The following PSD3 variants were observed in gnomAD, a reference collection of about 807,000 sequenced individuals.
The protein encoded by PSD3 is PH and SEC7 domain-containing protein 3.
Under a neutral mutation model 105.5 loss-of-function variants are expected in PSD3, and 49 were observed. The observed-to-expected ratio is 0.46, with a 90% CI of 0.37 to 0.59. The LOEUF is 0.59. Ranked by LOEUF, PSD3 falls within the 20% of genes least tolerant of loss-of-function variation. PSD3 has a pLI of 0.00. For synonymous variants in PSD3, 557 were observed against 457.8 expected (o/e 1.22, Z -2.77); for missense variants, 1,561 against 1,263.8 (o/e 1.24, Z -3.57).
At chr8:18,749,230 A>G (rs1161346270) in intron 9 of PSD3, among the ~76,000 whole-genome samples, 1 of 152,182 alleles carries the variant, frequency 6.6e-6, no homozygotes, top group Non-Finnish European at 1.5e-5. Flanking sequence ...AGTGGACCAC[A>G]CGTTATCATC....
chr8:18,832,932 G>T (rs1813793538), intron 4 of PSD3, among the ~76,000 whole-genome samples: 1 of 152,156 alleles, frequency 6.6e-6, no homozygotes, highest in Non-Finnish European at 1.5e-5. Context: ...TACAATTAAA[G>T]ATGAGATTTG....
At chr8:18,841,667 G>A (rs1814639538) in intron 4 of PSD3, among the ~76,000 whole-genome samples, 1 of 152,122 alleles carries the variant, frequency 6.6e-6, no homozygotes, top group Non-Finnish European at 1.5e-5. Context: ...GGCGACTCAA[G>A]TATAATGAAG....
chr8:18,712,838 A>G (rs1802338669), intron 9 of PSD3, among the ~76,000 whole-genome samples: 1 of 152,220 alleles, frequency 6.6e-6, no homozygotes, highest in African/African-American at 2.4e-5. Context: ...CAAAAAAAAG[A>G]AAACTTCAAA....
chr8:18,753,813 A>G (rs1277499192), intron 9 of PSD3, among the ~76,000 whole-genome samples: 1 of 152,118 alleles, frequency 6.6e-6, no homozygotes, highest in African/African-American at 2.4e-5. Flanking sequence ...AAAATGTAAC[A>G]TTTTTGATGA....
chr8:18,978,888 T>C (rs1311654234), intron 1 of PSD3, among the ~76,000 whole-genome samples: 3 of 151,932 alleles, frequency 2.0e-5, no homozygotes, highest in African/African-American at 7.3e-5. Flanking sequence ...CACCCCCTTA[T>C]CACTACACTA....
chr8:18,722,741 G>A (rs750032645), intron 9 of PSD3, among the ~76,000 whole-genome samples: 87 of 152,280 alleles, frequency 5.7e-4, no homozygotes, highest in Middle Eastern at 6.8e-3. Flanking sequence ...GGGATGCCCT[G>A]AGGCTGCCTC....
intron 1 of PSD3, among the ~76,000 whole-genome samples, chr8:18,944,797 G>T (rs1001748709): frequency 5.9e-5 from 9 of 152,112 alleles, no homozygotes; most frequent in Non-Finnish European, 1.2e-4. Context: ...AAATTGCCCA[G>T]TTGGGACTGA....
intron 9 of PSD3, among the ~76,000 whole-genome samples, chr8:18,681,997 A>G (rs887100670): frequency 2.1e-5 from 3 of 141,292 alleles, no homozygotes; most frequent in African/African-American, 9.2e-5. Context: ...CGGCGTTTGC[A>G]ATATTCAAAA....
chr8:18,985,583 C>T (rs943959363), intron 1 of PSD3, among the ~76,000 whole-genome samples: 3 of 152,298 alleles, frequency 2.0e-5, no homozygotes, highest in Middle Eastern at 3.4e-3. Flanking sequence ...TATCATGAAA[C>T]ATTAGTTTAC....
chr8:18,562,183 G>C (rs1370335366), intron 14 of PSD3, among the ~76,000 whole-genome samples: 1 of 152,094 alleles, frequency 6.6e-6, no homozygotes, highest in African/African-American at 2.4e-5. Flanking sequence ...ATAAGAAGAG[G>C]GAACAGCCAC....
intron 4 of PSD3, among the ~76,000 whole-genome samples, chr8:18,813,378 A>C (rs1187211587): frequency 6.6e-6 from 1 of 152,198 alleles, no homozygotes; most frequent in African/African-American, 2.4e-5. Context: ...GCTGTCTGGT[A>C]GCAATGGCAA....
intron 1 of PSD3, among the ~76,000 whole-genome samples, chr8:18,990,034 T>C (rs1457775498): frequency 1.4e-5 from 2 of 142,760 alleles, no homozygotes; most frequent in African/African-American, 5.2e-5. Context: ...TCAGGTTCTG[T>C]TGATCTACAC....
intron 9 of PSD3, among the ~76,000 whole-genome samples, chr8:18,750,966 A>T (rs7006957): frequency 0.98 from 149,524 of 152,196 alleles, 73,492 homozygotes; most frequent in Non-Finnish European, 1. Flanking sequence ...GACTCAGGAG[A>T]CCAGCTGGCT....
chr8:18,621,316 G>A (rs751791254), intron 11 of PSD3, among the ~76,000 whole-genome samples: 45 of 152,170 alleles, frequency 3.0e-4, no homozygotes, highest in Non-Finnish European at 6.3e-4. Flanking sequence ...GCCACAGTAG[G>A]AGAATTGCTT....
chr8:18,755,666 T>G (rs146033464), intron 9 of PSD3, among the ~76,000 whole-genome samples: 123 of 152,162 alleles, frequency 8.1e-4, no homozygotes, highest in African/African-American at 2.9e-3. Context: ...ACTTTTTTCC[T>G]TTTTTCTTTT....
At chr8:18,872,818 C>T in intron 2 of PSD3, 85 bp from the exon 3 acceptor site, 4 of 1,307,862 alleles carry the variant, frequency 3.1e-6, no homozygotes, top group Non-Finnish European at 4.2e-6. Flanking sequence ...ACAGATTAGG[C>T]ACTCAATAAT....
intron 1 of PSD3, among the ~76,000 whole-genome samples, chr8:19,009,228 TA>T (rs1250338142): frequency 6.6e-6 from 1 of 152,184 alleles, no homozygotes; most frequent in Non-Finnish European, 1.5e-5. Context: ...AACAAATGTA[TA>T]ATGGTCGGTG....
At chr8:18,951,880 A>G (rs1823257097) in intron 1 of PSD3, among the ~76,000 whole-genome samples, 1 of 152,052 alleles carries the variant, frequency 6.6e-6, no homozygotes, top group South Asian at 2.1e-4. Flanking sequence ...GAGGCAGAAG[A>G]ATCATTTGAA....
intron 4 of PSD3, among the ~76,000 whole-genome samples, chr8:18,806,678 T>TA (rs1043401169): frequency 9.8e-5 from 15 of 152,312 alleles, no homozygotes; most frequent in African/African-American, 3.1e-4. Context: ...GTTACAACCT[T>TA]AAAAAACCTA....
Sources: gnomAD v4.1 joint callset for allele counts (sites outside exome capture counted in the v4.1 genomes callset) on GRCh38, gnomAD v4.1.1 for gene constraint, MANE v1.5 for transcripts, NCBI Gene and HGNC (gene_info 2026-07-23, HGNC 2026-07-21) for gene names.